CFAP221: variants seen among roughly 807,000 people sequenced by gnomAD.
CFAP221 encodes cilia- and flagella-associated protein 221.
A neutral mutation model predicts 113.1 loss-of-function variants in CFAP221; 97 were observed. That is an observed-to-expected ratio of 0.86 (90% CI 0.73 to 1.02). The LOEUF is 1.02. Ranked by LOEUF, CFAP221 falls within the 50% of genes least tolerant of loss-of-function variation. CFAP221 has a pLI of 0.00. For missense variants in CFAP221, 1,025 were observed against 1,013.4 expected, an observed-to-expected ratio of 1.01 and a Z score of -0.16; for synonymous variants, 331 against 354.4, an observed-to-expected ratio of 0.93 and a Z score of 0.74.
At chr2:119,635,610 C>T (rs933236456) in intron 19 of CFAP221, among the ~76,000 whole-genome samples, 4 of 152,094 alleles carry the variant, frequency 2.6e-5, no homozygotes, top group South Asian at 2.1e-4. Flanking sequence ...ATGTTTATGA[C>T]GGCAATGGTT....
chr2:119,638,273 A>C lies in CFAP221; in HGVS notation c.1989A>C (p.Gly663=), dbSNP rs757735221. 6.2e-7 allele frequency: 1 copy of C among 1,614,114 alleles called. No homozygotes were observed. Among genetic ancestry groups the C allele is most frequent in the Non-Finnish European group, 8.5e-7 (1 of 1,179,984 alleles). Residue 663 remains glycine, a synonymous_variant, in exon 20 of 24, where the codon GGA becomes GGC. Coordinates refer to ENST00000413369, the MANE Select transcript of CFAP221 (RefSeq NM_001271049.2). ...DPLYVFNPNP[G]LFAVMHPLTY... ...GTCTTCGGCAGAATCCCAACCCAGG[A>C]TTATTTGCTGTAATGCATCCTCTGA...
At chr2:119,610,214 G>A (rs890935667) in intron 12 of CFAP221, among the ~76,000 whole-genome samples, 2 of 152,190 alleles carry the variant, frequency 1.3e-5, no homozygotes, top group Non-Finnish European at 2.9e-5. Flanking sequence ...CCTGGGGCAA[G>A]GAGGATGAGC....
chr2:119,601,929 T>G (rs1188457563), intron 8 of CFAP221, among the ~76,000 whole-genome samples: 1 of 152,180 alleles, frequency 6.6e-6, no homozygotes, highest in Non-Finnish European at 1.5e-5. Flanking sequence ...CCATCAGACT[T>G]CAAGTCAGAG....
intron 19 of CFAP221, among the ~76,000 whole-genome samples, chr2:119,636,509 GA>G (rs1413861147): frequency 6.6e-6 from 1 of 152,220 alleles, no homozygotes; most frequent in African/African-American, 2.4e-5. Flanking sequence ...AAGAAGTTTG[GA>G]AGGGGCATTT....
At chr2:119,655,968 CT>C in intron 23 of CFAP221, 1 of 212,618 alleles carries the variant, frequency 4.7e-6, no homozygotes, top group Non-Finnish European at 9.6e-6. Context: ...GTGTATCTAC[CT>C]CATTCATAAA....
In CFAP221 at chr2:119,627,709, C is replaced by T. The variant is rs375100921; in HGVS notation, c.1573C>T (p.Arg525Trp). The change falls in exon 16 of 24, where the codon CGG becomes TGG. Residue 525 changes from arginine to tryptophan, a missense_variant. Arg to Trp is a moderately radical substitution (Grantham distance 101, BLOSUM62 -3). Coordinates refer to ENST00000413369, the MANE Select transcript of CFAP221 (RefSeq NM_001271049.2). ...RRISQDDYTS[R>W]FSVSPKEVLP... is the part of the protein sequence containing the mutation. ...GATCAGTCAGGATGATTATACCAGC[C>T]GGTTCTCTGTGTCGCCCAAGGAGGT... 22 of 1,613,616 alleles carry T rather than the reference C, an allele frequency of 1.4e-5. No individual in the cohort carries two copies. Among genetic ancestry groups the T allele is most frequent in the African/African-American group, 6.7e-5 (5 of 74,766 alleles).
chr2:119,616,607 G>A (rs559066334), intron 14 of CFAP221, among the ~76,000 whole-genome samples: 41 of 152,258 alleles, frequency 2.7e-4, no homozygotes, highest in African/African-American at 9.6e-4. Flanking sequence ...GGTGTCATGT[G>A]ACCCCTGGTC....
intron 3 of CFAP221, among the ~76,000 whole-genome samples, chr2:119,558,811 G>C (rs1681011753): frequency 6.6e-6 from 1 of 152,044 alleles, no homozygotes. Context: ...AACACAGAAA[G>C]ACCCTGTCTC....
Position 119,651,978 on chromosome 2 carries a change from C to G in CFAP221, c.2323C>G (p.Leu775Val), listed in dbSNP as rs1244177107. ...EDRLETVERELCEQNVEVMLT... is the reference protein window; with the variant it reads ...EDRLETVEREVCEQNVEVMLT... ...AAACATCTTATTACTTTGCAGTGAG[C>G]TCTGTGAGCAGAATGTAGAAGTTAT... The change falls in exon 23 of 24, where the codon CTC becomes GTC. Residue 775 changes from leucine to valine, a missense_variant. By Grantham distance (32) the Leu-to-Val change is conservative. Transcript: ENST00000413369. 1 of 1,610,320 alleles carries G rather than the reference C, an allele frequency of 6.2e-7. No individual in the cohort carries two copies. The highest frequency in any genetic ancestry group is 8.5e-7 in the Non-Finnish European group (1 of 1,178,136).
rs1331286719 is a variant in CFAP221, at chr2:119,549,086, G to A, written c.141G>A (p.Lys47=). The A allele has an allele frequency of 6.6e-7, 1 of 1,522,170 alleles. No individual in the cohort carries two copies. 94.3% of individuals were successfully genotyped at this position (1,522,170 alleles called of 1,614,324 possible). ...KEVPNHLLES[K]VYAKLVNNKV... Reference sequence around the variant, plus strand: ...TGCTTATCTACATTGTTTTTATAGAGGTTTATGCAAAACTTGTGAATAATA... The same window carrying A: ...TGCTTATCTACATTGTTTTTATAGAAGTTTATGCAAAACTTGTGAATAATA... Residue 47 remains lysine (K), a splice_region_variant and synonymous_variant, in exon 3 of 24, where the codon AAG becomes AAA. Transcript: ENST00000413369.
chr2:119,646,953 CA>C lies in CFAP221; in HGVS notation c.2226-4del. ...TCTTTGACTGCTTGTGTGGTTTTTCCACAGCTGCGATTCCTTCAATTCATTT... is the reference window on the plus strand; with the variant it reads ...TCTTTGACTGCTTGTGTGGTTTTTCCCAGCTGCGATTCCTTCAATTCATTT... On this transcript the variant is annotated splice_polypyrimidine_tract_variant and splice_region_variant and intron_variant, in intron 21 of 23. Transcript: ENST00000413369. The C allele has an allele frequency of 6.2e-7, 1 of 1,612,108 alleles. No individual in the cohort carries two copies. The highest frequency in any genetic ancestry group is 8.5e-7 in the Non-Finnish European group (1 of 1,178,810).
At chr2:119,559,573 G>T in intron 3 of CFAP221, 116 bp from the exon 4 acceptor site, 2 of 832,092 alleles carry the variant, frequency 2.4e-6, no homozygotes, top group Non-Finnish European at 3.8e-6. Context: ...ATTTTGAAAA[G>T]TTAAATATAG....
At chr2:119,582,174 C>T (rs1319145917) in intron 6 of CFAP221, among the ~76,000 whole-genome samples, 1 of 152,094 alleles carries the variant, frequency 6.6e-6, no homozygotes, top group Non-Finnish European at 1.5e-5. Context: ...AATATGCCAG[C>T]AAGAAGAAAA....
At chr2:119,565,114 T>C (rs1262804077) in intron 6 of CFAP221, among the ~76,000 whole-genome samples, 15 of 152,196 alleles carry the variant, frequency 9.9e-5, no homozygotes, top group Admixed American at 9.8e-4. Context: ...CCATTCTCTC[T>C]TTATTTTTCC....
chr2:119,578,927 G>C (rs896115765), intron 6 of CFAP221, among the ~76,000 whole-genome samples: 2 of 152,070 alleles, frequency 1.3e-5, no homozygotes, highest in African/African-American at 4.8e-5. Flanking sequence ...GAAAGGACAA[G>C]AAAGAAATTT....
At chr2:119,581,451 A>C (rs983226336) in intron 6 of CFAP221, among the ~76,000 whole-genome samples, 1 of 152,232 alleles carries the variant, frequency 6.6e-6, no homozygotes, top group African/African-American at 2.4e-5. Context: ...TAGACTGAAT[A>C]AACTCTATAC....
At chr2:119,589,019 G>A (rs1391760567) in intron 7 of CFAP221, among the ~76,000 whole-genome samples, 1 of 151,948 alleles carries the variant, frequency 6.6e-6, no homozygotes, top group Non-Finnish European at 1.5e-5. Context: ...GAAGGAGAGA[G>A]GGAAGCCCTG....
intron 13 of CFAP221, among the ~76,000 whole-genome samples, chr2:119,614,766 A>C (rs769192301): frequency 6.6e-6 from 1 of 152,236 alleles, no homozygotes; most frequent in Non-Finnish European, 1.5e-5. Context: ...TCCAACTTTT[A>C]ATTTCAACGA....
At chr2:119,578,394 C>G (rs1043663037) in intron 6 of CFAP221, among the ~76,000 whole-genome samples, 2 of 152,210 alleles carry the variant, frequency 1.3e-5, no homozygotes, top group Non-Finnish European at 2.9e-5. Context: ...TTTCCTGAGT[C>G]TTCTGTACCT....
Sources: allele counts gnomAD v4.1 joint callset (sites outside exome capture counted in the v4.1 genomes callset), GRCh38; gene constraint gnomAD v4.1.1; transcripts MANE v1.5; gene names NCBI Gene and HGNC (gene_info 2026-07-23, HGNC 2026-07-21).